C1orf141: variants seen among roughly 807,000 people sequenced by gnomAD.
C1orf141 encodes uncharacterized protein C1orf141.
In C1orf141, 19 loss-of-function variants were observed where a neutral mutation model predicts 23.2. That is an observed-to-expected ratio of 0.82 (90% CI 0.57 to 1.20). The LOEUF is 1.20. Among genes scored for constraint, C1orf141 ranks in the 50% most tolerant of loss-of-function variants. The pLI, the probability that C1orf141 is intolerant of heterozygous loss-of-function variation, is 0.00. For missense variants in C1orf141, 469 were observed against 455.1 expected (o/e 1.03, Z -0.28); for synonymous variants, 153 against 154.6 (o/e 0.99, Z 0.08).
chr1:67,096,483 G>A (rs944506640), intron 5 of C1orf141, among the ~76,000 whole-genome samples, 162 bp from the exon 6 acceptor site: 2 of 152,136 alleles, frequency 1.3e-5, no homozygotes, highest in Admixed American at 6.6e-5. Context: ...GAATGAACTA[G>A]ATAGAACTGG....
At chr1:67,096,229 T>G in intron 6 of C1orf141, 23 bp downstream of exon 6, 1 of 1,097,408 alleles carries the variant, frequency 9.1e-7, no homozygotes, top group South Asian at 1.4e-5. Context: ...GAACAAAGTA[T>G]TAAGCATTTT....
chr1:67,113,775 G>A (rs1423495314), intron 5 of C1orf141: 2 of 1,141,712 alleles, frequency 1.8e-6, no homozygotes, highest in Admixed American at 4.6e-5. Flanking sequence ...TTTAAGGAAA[G>A]AAAATGGATT....
At chr1:67,114,235 G>T (rs1375234265) in intron 5 of C1orf141, among the ~76,000 whole-genome samples, 1 of 151,692 alleles carries the variant, frequency 6.6e-6, no homozygotes, top group African/African-American at 2.4e-5. Flanking sequence ...GTGAAGCCTT[G>T]AATGCTTTAG....
intron 5 of C1orf141, among the ~76,000 whole-genome samples, chr1:67,106,966 G>A (rs1009605299): frequency 1.3e-5 from 2 of 152,186 alleles, no homozygotes; most frequent in Admixed American, 6.5e-5. Flanking sequence ...TGTTTAATAA[G>A]AGCCTCAGAG....
chr1:67,108,779 G>A (rs1009119856), intron 5 of C1orf141, among the ~76,000 whole-genome samples: 1 of 151,818 alleles, frequency 6.6e-6, no homozygotes, highest in African/African-American at 2.4e-5. Flanking sequence ...CAAAAAGTAG[G>A]CAAAGGATAT....
intron 4 of C1orf141, among the ~76,000 whole-genome samples, chr1:67,120,601 T>G (rs1265581534): frequency 6.6e-6 from 1 of 152,068 alleles, no homozygotes. Flanking sequence ...TTGGGATTAG[T>G]GCCCTTATAA....
upstream of C1orf141, chr1:67,135,005 G>C (rs1358972219): frequency 1.5e-5 from 2 of 136,194 alleles, no homozygotes; most frequent in African/African-American, 5.5e-5. Flanking sequence ...TTAGCAACGC[G>C]TCCTCGGTCC....
chr1:67,139,486 T>C (rs1646614441), upstream of C1orf141, among the ~76,000 whole-genome samples: 1 of 152,150 alleles, frequency 6.6e-6, no homozygotes, highest in Non-Finnish European at 1.5e-5. Flanking sequence ...CTAAGAAAAC[T>C]CATATTCACA....
intron 4 of C1orf141, among the ~76,000 whole-genome samples, chr1:67,118,409 G>C (rs1646238359): frequency 6.6e-6 from 1 of 152,122 alleles, no homozygotes; most frequent in Non-Finnish European, 1.5e-5. Context: ...AAACTGATGA[G>C]GGAGTTCCCA....
At chr1:67,105,045 G>A (rs1213481254) in intron 5 of C1orf141, among the ~76,000 whole-genome samples, 1 of 152,006 alleles carries the variant, frequency 6.6e-6, no homozygotes, top group African/African-American at 2.4e-5. Flanking sequence ...AAAGAATATT[G>A]GCCAGGTACG....
intron 5 of C1orf141, among the ~76,000 whole-genome samples, chr1:67,110,439 A>T (rs1471373670): frequency 6.6e-6 from 1 of 152,138 alleles, no homozygotes; most frequent in Admixed American, 6.5e-5. Flanking sequence ...ATAATGTTTA[A>T]AGTTGATAAA....
At chr1:67,103,249 G>A in intron 5 of C1orf141, 1 of 1,425,820 alleles carries the variant, frequency 7.0e-7, no homozygotes, top group South Asian at 1.5e-5. Flanking sequence ...TGTAAATAAA[G>A]TAGAGTCTTT....
intron 5 of C1orf141, among the ~76,000 whole-genome samples, chr1:67,107,616 T>G (rs1448720706): frequency 1.3e-5 from 2 of 152,216 alleles, no homozygotes; most frequent in African/African-American, 4.8e-5. Flanking sequence ...TGGCCTGGCA[T>G]AGTGGCTCAC....
upstream of C1orf141, chr1:67,138,873 C>T (rs935959042): frequency 1.3e-5 from 2 of 152,342 alleles, no homozygotes; most frequent in South Asian, 4.1e-4. Flanking sequence ...AACACCCTGA[C>T]CACAGTGACT....
intron 5 of C1orf141, among the ~76,000 whole-genome samples, chr1:67,101,309 A>G (rs977821272): frequency 6.6e-6 from 1 of 152,302 alleles, no homozygotes; most frequent in East Asian, 1.9e-4. Flanking sequence ...TGATCGTTAC[A>G]TTTCTCTCCA....
At chr1:67,121,547 G>A (rs1646299302) in intron 4 of C1orf141, 2 of 152,136 alleles carry the variant, frequency 1.3e-5, no homozygotes, top group African/African-American at 4.8e-5. Context: ...GAATATAGTA[G>A]ATGTAAATAA....
intron 5 of C1orf141, 124 bp downstream of exon 5, chr1:67,115,228 A>C (rs532917782): frequency 1.8e-6 from 1 of 552,102 alleles, no homozygotes; most frequent in African/African-American, 2.0e-5. Flanking sequence ...TTTATAGTTC[A>C]TGGAAATGCT....
chr1:67,136,652 A>C (rs1646587933), upstream of C1orf141, among the ~76,000 whole-genome samples: 1 of 152,216 alleles, frequency 6.6e-6, no homozygotes, highest in Admixed American at 6.5e-5. Flanking sequence ...CTAGGCTACA[A>C]CTTTAAAATA....
At chr1:67,121,454 A>C (rs1437750569) in intron 4 of C1orf141, among the ~76,000 whole-genome samples, 1 of 152,298 alleles carries the variant, frequency 6.6e-6, no homozygotes, top group East Asian at 1.9e-4. Flanking sequence ...TCCCGTTGTC[A>C]ATTTCTACCA....
Sources: allele counts gnomAD v4.1 joint callset (sites outside exome capture counted in the v4.1 genomes callset), GRCh38; gene constraint gnomAD v4.1.1; transcripts MANE v1.5; gene names NCBI Gene and HGNC (gene_info 2026-07-23, HGNC 2026-07-21).